The following DMD variants were observed in gnomAD, a reference collection of about 807,000 sequenced individuals.
The protein encoded by DMD is mutant dystrophin.
A neutral mutation model predicts 330.1 loss-of-function variants in DMD; 63 were observed. That is an observed-to-expected ratio of 0.19 (90% CI 0.16 to 0.24). The LOEUF (loss-of-function observed/expected upper bound fraction) is 0.24, where lower values mean the gene tolerates loss of function less well. DMD is among the 10% of genes least tolerant of loss of function. DMD has a pLI of 1.00. For synonymous variants in DMD, 1,223 were observed against 959.8 expected (o/e 1.27, Z -5.07); for missense variants, 3,344 against 2,684.1 (o/e 1.25, Z -5.43).
At chrX:32,022,126 A>T (rs1180473704) in intron 44 of DMD, among the ~76,000 whole-genome samples, 1 of 111,892 alleles carries the variant, frequency 8.9e-6, no homozygotes, top group African/African-American at 3.2e-5. Flanking sequence ...CAACACATAT[A>T]CAGAATCACT....
chrX:32,589,830 C>A (rs1468768407), intron 13 of DMD, among the ~76,000 whole-genome samples: 1 of 111,564 alleles, frequency 9.0e-6, no homozygotes, highest in African/African-American at 3.3e-5. Flanking sequence ...ACCACTCCTA[C>A]AGGGGCACAC....
intron 2 of DMD, among the ~76,000 whole-genome samples, chrX:32,940,477 A>G (rs754212545): frequency 9.0e-6 from 1 of 111,624 alleles, no homozygotes; most frequent in East Asian, 2.8e-4. Context: ...ACATAAACCA[A>G]TGGAACAAAG....
chrX:32,562,428 A>T (rs1453073911), intron 16 of DMD, among the ~76,000 whole-genome samples: 3 of 112,583 alleles, frequency 2.7e-5, no homozygotes, highest in Admixed American at 1.9e-4. Context: ...AACAGCAATC[A>T]TACGCGCAAG....
At chrX:31,851,028 T>C (rs184655783) in intron 48 of DMD, among the ~76,000 whole-genome samples, 133 of 112,472 alleles carry the variant, frequency 1.2e-3, no homozygotes, top group African/African-American at 3.8e-3. Context: ...GCAGTCCAGA[T>C]TGTCAGTCAG....
chrX:31,401,407 A>G (rs10126137), intron 60 of DMD, among the ~76,000 whole-genome samples: 12,621 of 112,008 alleles, frequency 0.11, 575 homozygotes, highest in Admixed American at 0.16. Context: ...ATTTTAAGAA[A>G]CAATCACTAT....
Position 32,822,595 on chromosome X carries a change from G to GTA in DMD, c.357+698_357+699dup, listed in dbSNP as rs202112668. ...ATATATAATGTGTGGATATGAGTGT[G>GTA]TATATATATACATATATAATGTGTG... On this transcript the variant is annotated intron_variant, in intron 5 of 78. Coordinates refer to ENST00000357033, the MANE Select transcript of DMD (RefSeq NM_004006.3). Among the ~76,000 whole-genome samples, 298 of 109,601 alleles carry GTA rather than the reference G, an allele frequency of 2.7e-3. 1 individual carries two copies. The East Asian group carries it at 0.042, about 15-fold the overall frequency.
At chrX:32,841,425 G>C (rs771865609) in intron 4 of DMD, among the ~76,000 whole-genome samples, 1 of 111,811 alleles carries the variant, frequency 8.9e-6, no homozygotes, top group African/African-American at 3.2e-5. Flanking sequence ...CAAAGTGGGA[G>C]AACCTAGTTC....
At chrX:32,129,519 T>C (rs1431844447) in intron 44 of DMD, among the ~76,000 whole-genome samples, 2 of 110,887 alleles carry the variant, frequency 1.8e-5, no homozygotes, top group Non-Finnish European at 3.8e-5. Flanking sequence ...TCATAACGAT[T>C]GAATCAGGAT....
rs139007915 is a variant in DMD, at chrX:32,089,514, C to T, written c.6439-121000G>A. Among the ~76,000 whole-genome samples the T allele has an allele frequency of 3.7e-3, 415 of 111,459 alleles. 3 individuals are homozygous for T. Among genetic ancestry groups the T allele is most frequent in the African/African-American group, 0.013 (393 of 30,685 alleles). ...CCATATGTTCTCATCATTTAGCTTC[C>T]ATTTATAAGTGAGAACACGCAGTAT... On this transcript the variant is annotated intron_variant, in intron 44 of 78. Coordinates refer to ENST00000357033, the MANE Select transcript of DMD (RefSeq NM_004006.3).
intron 51 of DMD, among the ~76,000 whole-genome samples, chrX:31,737,079 T>C (rs780161494): frequency 7.1e-5 from 8 of 111,991 alleles, no homozygotes; most frequent in Non-Finnish European, 9.4e-5. Context: ...TGGGTACTAA[T>C]ATTGCCCCTA....
At chrX:31,516,216 T>A (rs1444490748) in intron 55 of DMD, among the ~76,000 whole-genome samples, 1 of 109,294 alleles carries the variant, frequency 9.1e-6, no homozygotes, top group Non-Finnish European at 1.9e-5. Context: ...TTTAAAATAA[T>A]TCATTTTTAT....
At chrX:31,440,329 T>C (rs1048207617) in intron 60 of DMD, among the ~76,000 whole-genome samples, 1 of 107,936 alleles carries the variant, frequency 9.3e-6, no homozygotes, top group Non-Finnish European at 1.9e-5. Context: ...GTATTTTTAG[T>C]AGTGATGGGG....
intron 44 of DMD, among the ~76,000 whole-genome samples, chrX:32,076,072 A>G (rs2096344943): frequency 1.0e-5 from 1 of 95,429 alleles, no homozygotes; most frequent in South Asian, 5.2e-4. Flanking sequence ...AAAAAAAAAA[A>G]AAAAAAAAAA....
intron 18 of DMD, among the ~76,000 whole-genome samples, chrX:32,506,875 C>T (rs1018058116): frequency 1.8e-5 from 2 of 111,471 alleles, no homozygotes; most frequent in African/African-American, 6.5e-5. Context: ...GTTGGTTGAA[C>T]TGAAAAGTCC....
intron 60 of DMD, among the ~76,000 whole-genome samples, chrX:31,379,395 G>A (rs767568312): frequency 3.6e-5 from 4 of 111,099 alleles, no homozygotes; most frequent in African/African-American, 1.3e-4. Context: ...TAGCGTTTAG[G>A]CTCTTTTTCA....
intron 44 of DMD, among the ~76,000 whole-genome samples, chrX:32,103,632 T>C (rs1882870494): frequency 8.9e-6 from 1 of 112,538 alleles, no homozygotes; most frequent in African/African-American, 3.2e-5. Flanking sequence ...ATAAACAGTT[T>C]GCTTTAATAG....
At chrX:32,237,846 T>A (rs2097193611) in intron 43 of DMD, among the ~76,000 whole-genome samples, 2 of 111,883 alleles carry the variant, frequency 1.8e-5, no homozygotes, top group South Asian at 7.4e-4. Flanking sequence ...TTGACTGACT[T>A]GTGTTGGATA....
intron 48 of DMD, among the ~76,000 whole-genome samples, chrX:31,871,270 G>T (rs1367722221): frequency 1.8e-5 from 2 of 111,224 alleles, no homozygotes; most frequent in Non-Finnish European, 3.8e-5. Flanking sequence ...TTTTCAAGAT[G>T]AATATTGCTA....
chrX:33,219,526 C>G (rs1300412438), intron 1 of DMD, among the ~76,000 whole-genome samples: 1 of 108,058 alleles, frequency 9.3e-6, no homozygotes, highest in Non-Finnish European at 1.9e-5. Context: ...CCATGGCATT[C>G]ACATAACGAT....
Sources: gnomAD v4.1 joint callset for allele counts (sites outside exome capture counted in the v4.1 genomes callset) on GRCh38, gnomAD v4.1.1 for gene constraint, MANE v1.5 for transcripts, NCBI Gene and HGNC (gene_info 2026-07-23, HGNC 2026-07-21) for gene names.